The following TRPC3 variants were observed in gnomAD, a reference collection of about 807,000 sequenced individuals.
The protein encoded by TRPC3 is short transient receptor potential channel 3.
A neutral mutation model predicts 90.9 loss-of-function variants in TRPC3; 54 were observed. The observed-to-expected ratio is 0.59, with a 90% CI of 0.48 to 0.75. The LOEUF (loss-of-function observed/expected upper bound fraction) is 0.75, where lower values mean the gene tolerates loss of function less well. Ranked by LOEUF, TRPC3 falls within the 30% of genes least tolerant of loss-of-function variation. The probability of loss-of-function intolerance (pLI) is 0.00; values close to 1 mark genes in which losing one functional copy is unlikely to be tolerated. For synonymous variants in TRPC3, 424 were observed against 450.9 expected (o/e 0.94, Z 0.75); for missense variants, 918 against 1,194.5 (o/e 0.77, Z 3.41).
intron 7 of TRPC3, among the ~76,000 whole-genome samples, chr4:121,905,707 T>C (rs1431100252): frequency 6.6e-6 from 1 of 152,108 alleles, no homozygotes; most frequent in Non-Finnish European, 1.5e-5. Flanking sequence ...ACAATGAATT[T>C]TATAGATTTG....
chr4:121,882,283 C>T (rs571313276), intron 11 of TRPC3, 71 bp downstream of exon 11: 10 of 1,377,134 alleles, frequency 7.3e-6, no homozygotes, highest in Admixed American at 4.3e-5. Flanking sequence ...TTAAAATATG[C>T]CTCAACATTA....
chr4:121,879,951 T>C, intron 11 of TRPC3, 73 bp from the exon 12 acceptor site: 1 of 1,391,532 alleles, frequency 7.2e-7, no homozygotes, highest in Non-Finnish European at 9.5e-7. Flanking sequence ...AGTGAAATTC[T>C]TACAATATCA....
At chr4:121,945,881 GA>G in intron 1 of TRPC3, among the ~76,000 whole-genome samples, 1 of 151,720 alleles carries the variant, frequency 6.6e-6, no homozygotes, top group East Asian at 1.9e-4. Context: ...GAAATATTAG[GA>G]AAAAAACCCC....
intron 1 of TRPC3, among the ~76,000 whole-genome samples, chr4:121,941,845 T>A (rs961504352): frequency 5.9e-5 from 9 of 152,092 alleles, no homozygotes; most frequent in African/African-American, 2.2e-4. Context: ...GGGGAAGAAG[T>A]GGAGTGGGGA....
At chr4:121,905,370 T>A (rs1234050051) in intron 7 of TRPC3, among the ~76,000 whole-genome samples, 1 of 152,014 alleles carries the variant, frequency 6.6e-6, no homozygotes, top group African/African-American at 2.4e-5. Flanking sequence ...TAGAAATACT[T>A]AACTGGAAAT....
chr4:121,937,864 A>G (rs1171298349), intron 1 of TRPC3, among the ~76,000 whole-genome samples: 1 of 152,172 alleles, frequency 6.6e-6, no homozygotes, highest in Non-Finnish European at 1.5e-5. Context: ...TTTCTCACAC[A>G]GATTTAAAAC....
At chr4:121,947,122 G>A (rs1395187362) in intron 1 of TRPC3, among the ~76,000 whole-genome samples, 1 of 142,478 alleles carries the variant, frequency 7.0e-6, no homozygotes, top group African/African-American at 2.6e-5. Context: ...GTTTGAGTCT[G>A]CAATGAGCTA....
intron 10 of TRPC3, among the ~76,000 whole-genome samples, chr4:121,886,619 A>G (rs1472269660): frequency 6.6e-6 from 1 of 152,184 alleles, no homozygotes; most frequent in Non-Finnish European, 1.5e-5. Context: ...TATCGGTCCA[A>G]ATTCTGTTCT....
At chr4:121,913,815 C>A (rs1388173812) in intron 4 of TRPC3, among the ~76,000 whole-genome samples, 1 of 152,210 alleles carries the variant, frequency 6.6e-6, no homozygotes, top group South Asian at 2.1e-4. Flanking sequence ...GCATGGGCAA[C>A]TCAATGATGA....
Position 121,932,588 on chromosome 4 carries a change from C to A in TRPC3, c.670G>T (p.Asp224Tyr), listed in dbSNP as rs1729980838. Reference protein sequence around the residue: ...ELQDDDFYAYDEDGTRFSPDI... With the variant: ...ELQDDDFYAYYEDGTRFSPDI... Reference sequence around the variant, plus strand: ...GGCGAGAAGCGCGTGCCGTCCTCGTCGTAAGCGTAGAAGTCGTCGTCCTGC... The same window carrying A: ...GGCGAGAAGCGCGTGCCGTCCTCGTAGTAAGCGTAGAAGTCGTCGTCCTGC... The change falls in exon 2 of 12, where the codon GAC becomes TAC. Residue 224 changes from aspartate (D) to tyrosine (Y), a missense_variant. Transcript: ENST00000379645. The surrounding 1 kb of genome is among the most constrained non-coding windows in gnomAD (Gnocchi z 7.7). The A allele has an allele frequency of 1.9e-6, 3 of 1,614,100 alleles. No homozygotes were observed. Among genetic ancestry groups the A allele is most frequent in the African/African-American group, 2.7e-5 (2 of 74,952 alleles).
intron 1 of TRPC3, among the ~76,000 whole-genome samples, chr4:121,940,640 G>A (rs548020339): frequency 6.6e-6 from 1 of 152,272 alleles, no homozygotes; most frequent in East Asian, 1.9e-4. Context: ...GGGCAATGCC[G>A]ATATGACCCA....
At chr4:121,950,670 AAGAG>A (rs747567049) in intron 1 of TRPC3, 3 of 152,230 alleles carry the variant, frequency 2.0e-5, no homozygotes, top group African/African-American at 7.2e-5. Context: ...TTCGTTTAGA[AAGAG>A]AGAGAGGGAA....
chr4:121,926,554 G>C (rs1305873675), intron 2 of TRPC3, among the ~76,000 whole-genome samples: 1 of 151,924 alleles, frequency 6.6e-6, no homozygotes, highest in African/African-American at 2.4e-5. Flanking sequence ...TTATAGGCAT[G>C]TGCCACCACA....
chr4:121,951,409 G>A lies in TRPC3; in HGVS notation c.215+57C>T. 1 of 1,123,614 alleles carries A rather than the reference G, an allele frequency of 8.9e-7. No individual in the cohort carries two copies. The highest frequency in any genetic ancestry group is 1.1e-6 in the Non-Finnish European group (1 of 912,194). The allele number at this position is 1,123,614 out of a possible 1,614,324, so 69.6% of individuals were successfully genotyped here. A position where few individuals can be genotyped will look rare whatever the true frequency, so the allele number is the denominator to read the frequency against. On this transcript the variant is annotated intron_variant, in intron 1 of 11. Coordinates refer to ENST00000379645, the MANE Select transcript of TRPC3 (RefSeq NM_001130698.2). This position sits in a 1 kb window ranked among gnomAD's most constrained non-coding sequence, Gnocchi z 4.4. ...GGAGCCGCCCGGCGCGCGCCTTCCCGCCCCCCGCCCGGCACCGCCCTCCGA... is the reference window on the plus strand; with the variant it reads ...GGAGCCGCCCGGCGCGCGCCTTCCCACCCCCCGCCCGGCACCGCCCTCCGA...
intron 4 of TRPC3, among the ~76,000 whole-genome samples, chr4:121,913,150 G>T (rs1472664947): frequency 6.6e-6 from 1 of 152,170 alleles, no homozygotes; most frequent in African/African-American, 2.4e-5. Flanking sequence ...CATTTTCCAT[G>T]TTAGACACAG....
At chr4:121,894,556 T>G (rs969219600) in intron 10 of TRPC3, among the ~76,000 whole-genome samples, 23 of 24,938 alleles carry the variant, frequency 9.2e-4, no homozygotes, top group African/African-American at 1.4e-3. Context: ...ACACATTCTG[T>G]TTTTTTTTTT....
chr4:121,900,475 A>ATAAGGAAG (rs1297357616), intron 9 of TRPC3, among the ~76,000 whole-genome samples: 1 of 152,166 alleles, frequency 6.6e-6, no homozygotes, highest in East Asian at 1.9e-4. Flanking sequence ...ATGCTAAGAG[A>ATAAGGAAG]TAAGGAAGTG....
intron 7 of TRPC3, among the ~76,000 whole-genome samples, chr4:121,905,171 AAAG>A (rs1208283375): frequency 2.0e-5 from 3 of 152,148 alleles, no homozygotes; most frequent in African/African-American, 4.8e-5. Flanking sequence ...TTTAAATAAA[AAAG>A]AAGGGCATAC....
intron 3 of TRPC3, among the ~76,000 whole-genome samples, chr4:121,917,117 C>T (rs540493369): frequency 6.6e-6 from 1 of 152,294 alleles, no homozygotes; most frequent in African/African-American, 2.4e-5. Context: ...CCTTTCCATT[C>T]AGTTTTCAAA....
Sources: gnomAD v4.1 joint callset for allele counts (sites outside exome capture counted in the v4.1 genomes callset) on GRCh38, gnomAD v4.1.1 for gene constraint, Gnocchi (gnomAD v3.1) non-coding constraint, MANE v1.5 for transcripts, NCBI Gene and HGNC (gene_info 2026-07-23, HGNC 2026-07-21) for gene names.